The following FGF12 variants were observed in gnomAD, a reference collection of about 807,000 sequenced individuals.
FGF12 encodes the protein fibroblast growth factor 12.
FGF12 carries 14 observed loss-of-function variants against 23.6 expected under a neutral mutation model. The ratio of observed to expected loss-of-function variants is 0.59; its 90% CI spans 0.39 to 0.93. FGF12 has a LOEUF of 0.93. Among genes scored for constraint, FGF12 ranks in the 40% least tolerant of loss-of-function variants. The pLI is 0.00. For synonymous variants in FGF12, 62 were observed against 77.3 expected, an observed-to-expected ratio of 0.80 and a Z score of 1.04; for missense variants, 175 against 217.8, an observed-to-expected ratio of 0.80 and a Z score of 1.24.
chr3:192,189,024 A>C (rs1215831145), intron 4 of FGF12, among the ~76,000 whole-genome samples: 1 of 152,200 alleles, frequency 6.6e-6, no homozygotes, highest in Admixed American at 6.5e-5. Context: ...CCCTCCCTAC[A>C]CATGAGTGTG....
intron 3 of FGF12, among the ~76,000 whole-genome samples, chr3:192,349,068 G>T (rs1190205567): frequency 6.6e-6 from 1 of 152,062 alleles, no homozygotes; most frequent in Non-Finnish European, 1.5e-5. Flanking sequence ...ATGGTAGTAT[G>T]CCCTAGAAAA....
chr3:192,444,414 C>CT (rs142086355), intron 2 of FGF12, among the ~76,000 whole-genome samples: 14,206 of 151,530 alleles, frequency 0.094, 744 homozygotes, highest in Non-Finnish European at 0.12. Context: ...TTCCTTTTGT[C>CT]TTTTTTTTTA....
intron 2 of FGF12, among the ~76,000 whole-genome samples, chr3:192,575,110 A>G (rs1712817202): frequency 6.6e-6 from 1 of 152,226 alleles, no homozygotes; most frequent in Non-Finnish European, 1.5e-5. Flanking sequence ...TCAAATAATT[A>G]CATGGAGTGA....
At position 192,141,921 on chromosome 3, in the gene FGF12, AT is replaced by A. The variant is rs1036717430; in HGVS notation, c.*2087del. 2 of 148,422 alleles carry A rather than the reference AT, an allele frequency of 1.3e-5. No individual in the cohort carries two copies. Among genetic ancestry groups the A allele is most frequent in the African/African-American group, 5.0e-5 (2 of 40,086 alleles). 9.2% of individuals were successfully genotyped at this position (148,422 alleles called of 1,614,324 possible). ...AAATAAAATAAGCTTTGTGCTTGGG[AT>A]TTTTTTCTTTTTTTTTTTGGTTCTG... On this transcript the variant is annotated 3_prime_UTR_variant, in exon 6 of 6. Transcript: ENST00000445105.
chr3:192,513,844 T>G (rs1274443648), intron 2 of FGF12, among the ~76,000 whole-genome samples: 1 of 152,184 alleles, frequency 6.6e-6, no homozygotes, highest in African/African-American at 2.4e-5. Context: ...CTTGCAAGAT[T>G]AATAGACACA....
In FGF12 at chr3:192,580,487, C is replaced by T. The variant is rs141353497; in HGVS notation, c.13+146694G>A. On this transcript the variant is annotated intron_variant, in intron 2 of 5. Transcript: ENST00000445105. Reference sequence around the variant, plus strand: ...GGAAATGTGTCATAATATGTAGATACCGGGATCCTAAGGTATAGCTCCACA... The same window carrying T: ...GGAAATGTGTCATAATATGTAGATATCGGGATCCTAAGGTATAGCTCCACA... 5.0e-3 allele frequency among the ~76,000 whole-genome samples: 759 copies of T among 152,236 alleles called. 7 individuals are homozygous for T. Among genetic ancestry groups the T allele is most frequent in the African/African-American group, 0.018 (735 of 41,530 alleles).
intron 2 of FGF12, among the ~76,000 whole-genome samples, chr3:192,377,248 A>T (rs1220910046): frequency 1.3e-5 from 2 of 152,180 alleles, no homozygotes; most frequent in Non-Finnish European, 2.9e-5. Flanking sequence ...CACGGGTCTG[A>T]CACCCAGTCT....
At chr3:192,577,170 A>G (rs576811339) in intron 2 of FGF12, among the ~76,000 whole-genome samples, 26 of 152,328 alleles carry the variant, frequency 1.7e-4, no homozygotes, top group East Asian at 1.3e-3. Context: ...AAACCTGCAC[A>G]TTCTGCACAT....
intron 3 of FGF12, among the ~76,000 whole-genome samples, chr3:192,339,184 G>A (rs1370103700): frequency 6.6e-6 from 1 of 152,140 alleles, no homozygotes; most frequent in Non-Finnish European, 1.5e-5. Context: ...GCTAAACATA[G>A]TTTCTCTGGA....
chr3:192,479,927 AG>A (rs1723433452), intron 2 of FGF12, among the ~76,000 whole-genome samples: 1 of 152,084 alleles, frequency 6.6e-6, no homozygotes, highest in East Asian at 1.9e-4. Context: ...GAACTGGGGA[AG>A]GGTTTGTGGC....
chr3:192,677,317 C>T (rs896976298), intron 2 of FGF12, among the ~76,000 whole-genome samples: 4 of 152,164 alleles, frequency 2.6e-5, no homozygotes, highest in African/African-American at 7.2e-5. Flanking sequence ...TTGAGATGAC[C>T]GTAGCCTTCC....
At chr3:192,557,947 A>C (rs1430879519) in intron 2 of FGF12, among the ~76,000 whole-genome samples, 1 of 151,896 alleles carries the variant, frequency 6.6e-6, no homozygotes, top group African/African-American at 2.4e-5. Flanking sequence ...TATATAAAAA[A>C]CCAACAGATA....
chr3:192,221,820 A>G (rs1718491029), intron 4 of FGF12, among the ~76,000 whole-genome samples: 1 of 152,174 alleles, frequency 6.6e-6, no homozygotes, highest in Non-Finnish European at 1.5e-5. Flanking sequence ...TATGACTGGC[A>G]GTGTAAAGGT....
At chr3:192,678,724 G>A (rs1395166304) in intron 2 of FGF12, among the ~76,000 whole-genome samples, 2 of 152,078 alleles carry the variant, frequency 1.3e-5, no homozygotes, top group Non-Finnish European at 2.9e-5. Context: ...AAACATTTAC[G>A]GGATAAAGAA....
intron 2 of FGF12, among the ~76,000 whole-genome samples, chr3:192,459,559 C>A (rs190314268): frequency 1.3e-5 from 2 of 152,246 alleles, no homozygotes; most frequent in East Asian, 3.9e-4. Context: ...CCCATGGGAA[C>A]CAGACATTTT....
intron 4 of FGF12, among the ~76,000 whole-genome samples, chr3:192,216,170 A>G (rs893132410): frequency 1.3e-5 from 2 of 152,212 alleles, no homozygotes; most frequent in African/African-American, 4.8e-5. Context: ...AATGACAGAA[A>G]AACACCATCT....
intron 4 of FGF12, among the ~76,000 whole-genome samples, chr3:192,278,871 C>T (rs2108636960): frequency 6.6e-6 from 1 of 152,256 alleles, no homozygotes; most frequent in South Asian, 2.1e-4. Context: ...CTTCCTGCTC[C>T]TCCCTCTCCA....
chr3:192,466,219 A>T (rs1723008505), intron 2 of FGF12, among the ~76,000 whole-genome samples: 1 of 152,218 alleles, frequency 6.6e-6, no homozygotes, highest in Admixed American at 6.5e-5. Context: ...ATACGGTAAA[A>T]ATAAGGTATT....
At chr3:192,515,280 G>A (rs1724630705) in intron 2 of FGF12, 1 of 152,450 alleles carries the variant, frequency 6.6e-6, no homozygotes, top group Non-Finnish European at 1.5e-5. Context: ...ACTCCGGTGT[G>A]GGAATCCGGC....
Sources: allele counts gnomAD v4.1 joint callset (sites outside exome capture counted in the v4.1 genomes callset), GRCh38; gene constraint gnomAD v4.1.1; transcripts MANE v1.5; gene names NCBI Gene and HGNC (gene_info 2026-07-23, HGNC 2026-07-21).